The following GFRA1 variants were observed in gnomAD, a reference collection of about 807,000 sequenced individuals.
The protein encoded by GFRA1 is GDNF family receptor alpha 1, also known as GDNF family receptor alpha-1.
Under a neutral mutation model 51.6 loss-of-function variants are expected in GFRA1, and 16 were observed. That is an observed-to-expected ratio of 0.31 (90% CI 0.21 to 0.47). The LOEUF is 0.47. Among genes scored for constraint, GFRA1 ranks in the 20% least tolerant of loss-of-function variants. The pLI is 1.00. For missense variants in GFRA1, 530 were observed against 594.3 expected (o/e 0.89, Z 1.13); for synonymous variants, 270 against 241.3 (o/e 1.12, Z -1.10).
chr10:116,220,868 G>A (rs939146383), intron 4 of GFRA1, among the ~76,000 whole-genome samples: 36 of 152,016 alleles, frequency 2.4e-4, no homozygotes, highest in Admixed American at 6.6e-5. Flanking sequence ...ACACTACCAG[G>A]ACCTTTCATT....
At chr10:116,247,780 C>T (rs1038011798) in intron 4 of GFRA1, among the ~76,000 whole-genome samples, 5 of 152,306 alleles carry the variant, frequency 3.3e-5, no homozygotes, top group Admixed American at 2.6e-4. Flanking sequence ...TATTTACCTT[C>T]ATTATATATT....
intron 6 of GFRA1, among the ~76,000 whole-genome samples, chr10:116,108,424 C>T (rs746498779): frequency 7.2e-5 from 11 of 152,172 alleles, no homozygotes; most frequent in African/African-American, 1.4e-4. Flanking sequence ...GGGGAAATTC[C>T]GTAACTCCTA....
At position 116,066,141 on chromosome 10, in the gene GFRA1, GTTCA is replaced by G. The variant is rs937843067; in HGVS notation, c.1198-519_1198-516del. On this transcript the variant is annotated intron_variant, in intron 9 of 10. Coordinates refer to ENST00000355422, the MANE Select transcript of GFRA1 (RefSeq NM_005264.8). Reference sequence around the variant, plus strand: ...GAGACCTTCCTGGGCTTGTTTGTTTGTTCATTCATTGCTTCAGTCAACAAACCCT... The same window carrying G: ...GAGACCTTCCTGGGCTTGTTTGTTTGTTCATTGCTTCAGTCAACAAACCCT... 4.0e-4 allele frequency among the ~76,000 whole-genome samples: 61 copies of G among 152,122 alleles called. 1 individual carries two copies. Among genetic ancestry groups the G allele is most frequent in the Admixed American group, 3.6e-3 (55 of 15,286 alleles).
intron 4 of GFRA1, among the ~76,000 whole-genome samples, chr10:116,254,561 T>C (rs1269297605): frequency 1.3e-5 from 2 of 151,402 alleles, no homozygotes; most frequent in South Asian, 2.1e-4. Flanking sequence ...GCCCTACTGA[T>C]GGGAGGCCAG....
At chr10:116,126,858 T>C (rs370218195) in intron 5 of GFRA1, among the ~76,000 whole-genome samples, 3 of 152,188 alleles carry the variant, frequency 2.0e-5, no homozygotes, top group Non-Finnish European at 2.9e-5. Flanking sequence ...GACTGAAAGA[T>C]AGGGCAGTGC....
chr10:116,101,176 TTATG>T, intron 6 of GFRA1, among the ~76,000 whole-genome samples: 1 of 152,210 alleles, frequency 6.6e-6, no homozygotes. Flanking sequence ...CCACCCTGGG[TTATG>T]AATCACACTG....
At chr10:116,143,713 C>A (rs940874993) in intron 5 of GFRA1, among the ~76,000 whole-genome samples, 1 of 152,142 alleles carries the variant, frequency 6.6e-6, no homozygotes, top group East Asian at 1.9e-4. Context: ...TTAACTCTAA[C>A]TCTCTAACAA....
At chr10:116,111,062 C>A (rs912544378) in intron 6 of GFRA1, among the ~76,000 whole-genome samples, 1 of 152,194 alleles carries the variant, frequency 6.6e-6, no homozygotes, top group African/African-American at 2.4e-5. Flanking sequence ...TCCTGACAAC[C>A]AAGGGTGCTT....
At chr10:116,144,491 T>G (rs924586054) in intron 5 of GFRA1, among the ~76,000 whole-genome samples, 1 of 152,068 alleles carries the variant, frequency 6.6e-6, no homozygotes, top group Non-Finnish European at 1.5e-5. Context: ...AACGTACTCC[T>G]TTCTTGTTTA....
intron 5 of GFRA1, among the ~76,000 whole-genome samples, chr10:116,173,234 AACCTGGGG>A (rs1446626004): frequency 1.3e-5 from 2 of 152,186 alleles, no homozygotes; most frequent in Admixed American, 1.3e-4. Context: ...CACACCTCAG[AACCTGGGG>A]ACCAGTGCTG....
intron 5 of GFRA1, among the ~76,000 whole-genome samples, chr10:116,177,447 G>A (rs1296704802): frequency 6.6e-6 from 1 of 152,198 alleles, no homozygotes; most frequent in African/African-American, 2.4e-5. Flanking sequence ...CAGGCCTTGG[G>A]GTTAGGGGTG....
intron 5 of GFRA1, among the ~76,000 whole-genome samples, chr10:116,176,298 C>G (rs965572679): frequency 1.3e-5 from 2 of 152,202 alleles, no homozygotes; most frequent in Non-Finnish European, 2.9e-5. Flanking sequence ...ACTCATTCCT[C>G]TCTTCCATCT....
intron 6 of GFRA1, among the ~76,000 whole-genome samples, chr10:116,124,844 A>T (rs916967356): frequency 1.3e-5 from 2 of 152,132 alleles, no homozygotes; most frequent in African/African-American, 4.8e-5. Flanking sequence ...AGCTCCAGCC[A>T]GCTCCTCTCG....
chr10:116,090,125 C>T (rs1023307855), intron 8 of GFRA1, among the ~76,000 whole-genome samples: 1 of 152,116 alleles, frequency 6.6e-6, no homozygotes, highest in African/African-American at 2.4e-5. Flanking sequence ...AGTCATTACA[C>T]CCTGAGCTGG....
chr10:116,173,470 C>A (rs147013712), intron 5 of GFRA1, among the ~76,000 whole-genome samples: 2 of 152,292 alleles, frequency 1.3e-5, no homozygotes, highest in East Asian at 3.9e-4. Flanking sequence ...TTCCTAGTTC[C>A]GCCATTTCTC....
rs531465064 is a variant in GFRA1, at chr10:116,184,256, C to T, written c.433+27375G>A. ...CTCCAGGCATCAGAGGAGCTGCCCA[C>T]CAAAGCCTCCAGATGGCATAGGGGA... is the stretch of plus-strand genomic sequence containing the variant. On this transcript the variant is annotated intron_variant, in intron 5 of 10. Transcript: ENST00000355422. 1.1e-4 allele frequency among the ~76,000 whole-genome samples: 16 copies of T among 152,348 alleles called. No individual in the cohort carries two copies. In the South Asian group the frequency reaches 1.7e-3, roughly 16 times the overall value.
At chr10:116,246,981 A>C (rs1182332587) in intron 4 of GFRA1, among the ~76,000 whole-genome samples, 1 of 152,250 alleles carries the variant, frequency 6.6e-6, no homozygotes, top group Admixed American at 6.5e-5. Flanking sequence ...TGTTCGTGGA[A>C]GTGTACATGG....
intron 4 of GFRA1, among the ~76,000 whole-genome samples, chr10:116,255,166 A>G (rs1237744813): frequency 1.3e-5 from 2 of 152,180 alleles, no homozygotes; most frequent in Admixed American, 6.5e-5. Flanking sequence ...TATGAGGAAC[A>G]AATGTCGACA....
chr10:116,198,055 C>T (rs1454655906), intron 5 of GFRA1, among the ~76,000 whole-genome samples: 1 of 152,150 alleles, frequency 6.6e-6, no homozygotes, highest in African/African-American at 2.4e-5. Flanking sequence ...ATTAACTCCT[C>T]CTCTGCAAGA....
Sources: gnomAD v4.1 joint callset for allele counts (sites outside exome capture counted in the v4.1 genomes callset) on GRCh38, gnomAD v4.1.1 for gene constraint, MANE v1.5 for transcripts, NCBI Gene and HGNC (gene_info 2026-07-23, HGNC 2026-07-21) for gene names.